Variants in TTC39C observed in about 807,000 individuals in gnomAD.
The protein encoded by TTC39C is tetratricopeptide repeat protein 39C.
In TTC39C, 33 loss-of-function variants were observed where a neutral mutation model predicts 76.3. The observed-to-expected ratio is 0.43, with a 90% CI of 0.33 to 0.58. TTC39C has a LOEUF of 0.58. Among genes scored for constraint, TTC39C ranks in the 20% least tolerant of loss-of-function variants. The pLI is 0.04. For missense variants in TTC39C, 595 were observed against 701.4 expected (o/e 0.85, Z 1.71); for synonymous variants, 254 against 260.6 (o/e 0.97, Z 0.24).
At chr18:24,001,459 C>A (rs2083309886) in intron 1 of TTC39C, 1 of 152,236 alleles carries the variant, frequency 6.6e-6, no homozygotes, top group South Asian at 2.1e-4. Flanking sequence ...TATAAAGTTT[C>A]ACTGTCTCTC....
At chr18:24,073,162 C>A (rs1385447061) in intron 4 of TTC39C, among the ~76,000 whole-genome samples, 2 of 152,214 alleles carry the variant, frequency 1.3e-5, no homozygotes, top group East Asian at 3.8e-4. Flanking sequence ...AGAATAGTAG[C>A]CACACTGCCT....
intron 6 of TTC39C, among the ~76,000 whole-genome samples, chr18:24,090,284 T>A (rs1036981): frequency 1 from 152,320 of 152,326 alleles, 76,157 homozygotes; most frequent in Non-Finnish European, 1. Flanking sequence ...AAAATCAAGG[T>A]CTATAAACAG....
chr18:24,093,806 A>G (rs1269437037), intron 6 of TTC39C, among the ~76,000 whole-genome samples: 3 of 152,228 alleles, frequency 2.0e-5, no homozygotes, highest in African/African-American at 7.2e-5. Context: ...TGCTAAAACT[A>G]TCAATCATCT....
intron 6 of TTC39C, chr18:24,114,320 G>GA: frequency 2.4e-6 from 1 of 417,108 alleles, no homozygotes; most frequent in African/African-American, 2.1e-5. Context: ...GGAGAAGGCG[G>GA]CGCGAGCTGA....
chr18:24,076,188 C>T (rs2145751364), intron 4 of TTC39C, among the ~76,000 whole-genome samples: 1 of 152,230 alleles, frequency 6.6e-6, no homozygotes, highest in African/African-American at 2.4e-5. Context: ...CCATGTTGGC[C>T]AGGCTGGTTT....
chr18:24,003,842 G>A (rs1224302497), intron 1 of TTC39C, among the ~76,000 whole-genome samples: 1 of 152,126 alleles, frequency 6.6e-6, no homozygotes, highest in East Asian at 1.9e-4. Context: ...CAAACTTTTG[G>A]GCTTGAGTGA....
chr18:24,119,816 C>T (rs1390516676), intron 8 of TTC39C, among the ~76,000 whole-genome samples: 1 of 152,124 alleles, frequency 6.6e-6, no homozygotes, highest in African/African-American at 2.4e-5. Context: ...GATTGAATAG[C>T]CCAGAAAAGA....
chr18:24,043,515 T>C (rs1219331078), intron 1 of TTC39C, among the ~76,000 whole-genome samples: 1 of 152,150 alleles, frequency 6.6e-6, no homozygotes, highest in Non-Finnish European at 1.5e-5. Flanking sequence ...GGTTTTCTGG[T>C]CATGAACCAG....
At chr18:24,045,284 G>C (rs374457019) in intron 1 of TTC39C, among the ~76,000 whole-genome samples, 2 of 25,448 alleles carry the variant, frequency 7.9e-5, no homozygotes, top group Admixed American at 3.5e-4. Flanking sequence ...AAAAAAAAAA[G>C]CATGTAGCGT....
At chr18:24,101,284 C>T (rs1346804129) in intron 6 of TTC39C, among the ~76,000 whole-genome samples, 1 of 143,292 alleles carries the variant, frequency 7.0e-6, no homozygotes, top group Non-Finnish European at 1.5e-5. Context: ...CTGCTTTTTA[C>T]AACTTGGCTT....
rs1156879751 is a variant in TTC39C at position 24,071,957 on chromosome 18, TA to T, written c.460+2689del. Among the ~76,000 whole-genome samples, 18 of 152,360 alleles carry T rather than the reference TA, an allele frequency of 1.2e-4. No individual in the cohort carries two copies. The East Asian group carries it at 2.9e-3, about 24-fold the overall frequency. ...TAGGCATGAAAGCCTCAGCTTGTCA[TA>T]AACTTATGTAGTGGTTATTTGCTTT... On this transcript the variant is annotated intron_variant, in intron 4 of 13. Coordinates refer to ENST00000317571, the MANE Select transcript of TTC39C (RefSeq NM_001135993.2).
intron 4 of TTC39C, chr18:24,076,901 G>T (rs2084313829): frequency 6.6e-6 from 1 of 152,104 alleles, no homozygotes; most frequent in African/African-American, 2.4e-5. Flanking sequence ...CACCGTGGAG[G>T]TTTCTGTTGT....
intron 6 of TTC39C, among the ~76,000 whole-genome samples, chr18:24,107,853 G>A (rs1027108005): frequency 1.3e-5 from 2 of 151,250 alleles, no homozygotes; most frequent in African/African-American, 2.4e-5. Context: ...TCGACCTCCC[G>A]GCTCAAGCAA....
At chr18:24,029,202 A>G (rs2083638248) in intron 1 of TTC39C, among the ~76,000 whole-genome samples, 1 of 152,046 alleles carries the variant, frequency 6.6e-6, no homozygotes, top group African/African-American at 2.4e-5. Context: ...TCCTGAGTTC[A>G]AGCGATTCTC....
intron 6 of TTC39C, among the ~76,000 whole-genome samples, chr18:24,094,550 A>C (rs902693855): frequency 9.2e-5 from 14 of 152,250 alleles, no homozygotes; most frequent in African/African-American, 2.4e-5. Flanking sequence ...ATAAGACTTG[A>C]AAGTCAAAAC....
intron 1 of TTC39C, among the ~76,000 whole-genome samples, chr18:24,055,420 G>A (rs2084003322): frequency 6.6e-6 from 1 of 152,124 alleles, no homozygotes; most frequent in African/African-American, 2.4e-5. Flanking sequence ...TTTGATAGTA[G>A]CTATCCTAGT....
chr18:24,107,890 G>GGC (rs908143000), intron 6 of TTC39C, among the ~76,000 whole-genome samples: 1 of 143,972 alleles, frequency 6.9e-6, no homozygotes. Flanking sequence ...TCCCAAGTAG[G>GGC]GGGGGGGGTA....
intron 4 of TTC39C, among the ~76,000 whole-genome samples, chr18:24,073,300 G>A (rs901032208): frequency 2.0e-5 from 3 of 152,016 alleles, no homozygotes; most frequent in South Asian, 2.1e-4. Flanking sequence ...CCTTTTGTGC[G>A]GGGCATGTAA....
chr18:24,116,636 C>T (rs2084895256), intron 7 of TTC39C, among the ~76,000 whole-genome samples: 1 of 152,104 alleles, frequency 6.6e-6, no homozygotes, highest in Non-Finnish European at 1.5e-5. Context: ...ATATCTCACA[C>T]ACTCTTCCTC....
Sources: gnomAD v4.1 joint callset for allele counts (sites outside exome capture counted in the v4.1 genomes callset) on GRCh38, gnomAD v4.1.1 for gene constraint, MANE v1.5 for transcripts, NCBI Gene and HGNC (gene_info 2026-07-23, HGNC 2026-07-21) for gene names.